RAPGEF5: variants seen among roughly 807,000 people sequenced by gnomAD.
RAPGEF5 encodes the protein Rap guanine nucleotide exchange factor 5.
Under a neutral mutation model 125.2 loss-of-function variants are expected in RAPGEF5, and 65 were observed. The observed-to-expected ratio is 0.52, with a 90% CI of 0.43 to 0.64. The LOEUF is 0.64. Among genes scored for constraint, RAPGEF5 ranks in the 30% least tolerant of loss-of-function variants. The pLI is 0.00. For synonymous variants in RAPGEF5, 391 were observed against 385.9 expected (o/e 1.01, Z -0.16); for missense variants, 958 against 1,048.1 (o/e 0.91, Z 1.19).
Position 22,122,540 on chromosome 7 carries a change from A to C in RAPGEF5, c.2537-19T>G. ...AGGTCACCTGTTGTTTAGAGGGGGA[A>C]AAAAGACAATCTCAGGAGAGCAGTA... On this transcript the variant is annotated intron_variant, in intron 25 of 25. Coordinates refer to ENST00000665637, the MANE Select transcript of RAPGEF5 (RefSeq NM_012294.5). 6.4e-7 allele frequency: 1 copy of C among 1,557,940 alleles called. No homozygotes were observed.
chr7:22,283,108 T>C (rs113221260), intron 6 of RAPGEF5, among the ~76,000 whole-genome samples: 3,972 of 152,058 alleles, frequency 0.026, 158 homozygotes, highest in African/African-American at 0.09. Flanking sequence ...ATAATTTATT[T>C]CTGGGTCATT....
At chr7:22,204,443 T>G (rs1474312592) in intron 9 of RAPGEF5, among the ~76,000 whole-genome samples, 1 of 152,168 alleles carries the variant, frequency 6.6e-6, no homozygotes, top group Non-Finnish European at 1.5e-5. Flanking sequence ...TGTGTGTACG[T>G]GAGGAAATGC....
At chr7:22,344,297 G>A (rs1784183399) in intron 1 of RAPGEF5, among the ~76,000 whole-genome samples, 1 of 151,964 alleles carries the variant, frequency 6.6e-6, no homozygotes, top group South Asian at 2.1e-4. Context: ...ATCCATCAAG[G>A]GTCCTCTAGA....
chr7:22,166,439 T>C (rs1784168318), intron 12 of RAPGEF5, among the ~76,000 whole-genome samples: 1 of 152,206 alleles, frequency 6.6e-6, no homozygotes, highest in Admixed American at 6.5e-5. Flanking sequence ...GGATTTCTTT[T>C]GTGGCATTTC....
At chr7:22,167,552 T>A (rs758946264) in intron 11 of RAPGEF5, among the ~76,000 whole-genome samples, 27 of 152,310 alleles carry the variant, frequency 1.8e-4, no homozygotes, top group Middle Eastern at 3.4e-3. Flanking sequence ...CATGTGTTAA[T>A]AAATTAAGGT....
chr7:22,307,956 T>C (rs1378623304), intron 5 of RAPGEF5, among the ~76,000 whole-genome samples: 1 of 152,184 alleles, frequency 6.6e-6, no homozygotes, highest in Non-Finnish European at 1.5e-5. Flanking sequence ...TTCTAGACTA[T>C]TTTCAGAAAC....
intron 2 of RAPGEF5, among the ~76,000 whole-genome samples, chr7:22,317,030 G>A (rs1321338669): frequency 6.7e-6 from 1 of 149,586 alleles, no homozygotes; most frequent in Non-Finnish European, 1.5e-5. Context: ...AAGTATTACC[G>A]AGGAAGCGGT....
chr7:22,342,996 T>C (rs574177701), intron 1 of RAPGEF5, among the ~76,000 whole-genome samples: 1 of 152,342 alleles, frequency 6.6e-6, no homozygotes, highest in South Asian at 2.1e-4. Context: ...CCCACTCTAC[T>C]GGTATCAATT....
Position 22,334,325 on chromosome 7 carries a change from C to T in RAPGEF5, c.232-16288G>A, listed in dbSNP as rs1031395029. The stretch of plus-strand genomic sequence containing the variant: ...ACATAGTATTAATAACACACACACA[C>T]AAAGTGGCAGAAAAAAAATGAATAC... On this transcript the variant is annotated intron_variant, in intron 1 of 25. Transcript: ENST00000665637. Among the ~76,000 whole-genome samples the T allele has an allele frequency of 2.0e-5, 3 of 152,052 alleles. No homozygotes were observed. The South Asian group carries it at 6.2e-4, about 32-fold the overall frequency.
chr7:22,309,044 C>A (rs1562521865), intron 4 of RAPGEF5, among the ~76,000 whole-genome samples: 1 of 152,094 alleles, frequency 6.6e-6, no homozygotes, highest in Non-Finnish European at 1.5e-5. Flanking sequence ...ACGGGACAGC[C>A]CGTCACAACA....
At chr7:22,304,369 CATGCTAT>C (rs1747662609) in intron 5 of RAPGEF5, among the ~76,000 whole-genome samples, 1 of 152,166 alleles carries the variant, frequency 6.6e-6, no homozygotes, top group African/African-American at 2.4e-5. Context: ...ATAAACATGG[CATGCTAT>C]ATAGCAATTC....
chr7:22,269,816 C>T (rs892356820), intron 6 of RAPGEF5, among the ~76,000 whole-genome samples: 3 of 152,294 alleles, frequency 2.0e-5, no homozygotes, highest in East Asian at 1.9e-4. Context: ...GAGGCTCTGG[C>T]TGACATTCTG....
intron 25 of RAPGEF5, among the ~76,000 whole-genome samples, chr7:22,124,056 G>A (rs1782662521): frequency 6.6e-6 from 1 of 152,114 alleles, no homozygotes; most frequent in Admixed American, 6.5e-5. Flanking sequence ...ACATCAACTG[G>A]CTTGATAGTT....
chr7:22,193,589 GGTCTGAGAGCGCC>G, intron 10 of RAPGEF5, 134 bp from the exon 11 acceptor site: 1 of 1,551,206 alleles, frequency 6.4e-7, no homozygotes, highest in Non-Finnish European at 8.7e-7. Context: ...GGCAGCTCTC[GGTCTGAGAGCGCC>G]GCGGCGGAAT....
intron 8 of RAPGEF5, among the ~76,000 whole-genome samples, chr7:22,230,047 A>C (rs114912137): frequency 1.1e-3 from 169 of 152,366 alleles, no homozygotes; most frequent in African/African-American, 3.7e-3. Context: ...GAATAAGTTC[A>C]GAACAAATAA....
chr7:22,258,934 T>G (rs1239078013), intron 7 of RAPGEF5, among the ~76,000 whole-genome samples: 4 of 151,908 alleles, frequency 2.6e-5, no homozygotes, highest in African/African-American at 9.7e-5. Context: ...TAGGAGAAAA[T>G]CTAGATGACC....
chr7:22,218,224 G>C (rs1785688633), intron 9 of RAPGEF5, among the ~76,000 whole-genome samples: 1 of 152,188 alleles, frequency 6.6e-6, no homozygotes, highest in Non-Finnish European at 1.5e-5. Flanking sequence ...TAATATTCTG[G>C]ACTGAACTAA....
At chr7:22,129,561 A>C (rs1459636816) in intron 24 of RAPGEF5, among the ~76,000 whole-genome samples, 1 of 152,244 alleles carries the variant, frequency 6.6e-6, no homozygotes, top group African/African-American at 2.4e-5. Flanking sequence ...TAGTGCCTGC[A>C]GCCTTTCATT....
intron 8 of RAPGEF5, among the ~76,000 whole-genome samples, chr7:22,226,382 A>G (rs1419258773): frequency 6.6e-6 from 1 of 152,252 alleles, no homozygotes; most frequent in African/African-American, 2.4e-5. Flanking sequence ...ATGATAAATT[A>G]TTCTACTGTA....
Sources: allele counts gnomAD v4.1 joint callset (sites outside exome capture counted in the v4.1 genomes callset), GRCh38; gene constraint gnomAD v4.1.1; transcripts MANE v1.5; gene names NCBI Gene and HGNC (gene_info 2026-07-23, HGNC 2026-07-21).